TMEM128: variants seen among roughly 807,000 people sequenced by gnomAD.
TMEM128 encodes the protein transmembrane protein 128.
TMEM128 carries 16 observed loss-of-function variants against 19.7 expected under a neutral mutation model. That is an observed-to-expected ratio of 0.81 (90% CI 0.55 to 1.23). TMEM128 has a LOEUF of 1.23. Among genes scored for constraint, TMEM128 ranks in the 50% most tolerant of loss-of-function variants. The probability of loss-of-function intolerance (pLI) is 0.00; values close to 1 mark genes in which losing one functional copy is unlikely to be tolerated. For missense variants in TMEM128, 237 were observed against 200.8 expected, an observed-to-expected ratio of 1.18 and a Z score of -1.09; for synonymous variants, 98 against 75.8, an observed-to-expected ratio of 1.29 and a Z score of -1.52.
rs757010540 is a variant in TMEM128 at position 4,240,480 on chromosome 4, C to T, written c.240-1G>A. ...CAAGGCACTGCCACAGAGAAACCAG[C>T]TGTGGAGATAAAAACAGTAAGAGGT... On this transcript the variant is annotated splice_acceptor_variant, in intron 2 of 4. Transcript: ENST00000382753. LOFTEE classifies it high-confidence loss of function. The T allele has an allele frequency of 1.2e-6, 2 of 1,611,632 alleles. No individual in the cohort carries two copies. The highest frequency in any genetic ancestry group is 1.7e-4 in the Middle Eastern group (1 of 6,052).
At chr4:4,240,652 G>T (rs1431262300) in intron 2 of TMEM128, among the ~76,000 whole-genome samples, 173 bp from the exon 3 acceptor site, 2 of 152,186 alleles carry the variant, frequency 1.3e-5, no homozygotes, top group East Asian at 3.8e-4. Flanking sequence ...GGAGATGGGG[G>T]TGAGAAAAAG....
rs1718043357 is a variant in TMEM128, at chr4:4,243,453, T to C, written c.239+2749A>G. Among the ~76,000 whole-genome samples, 3 of 152,268 alleles carry C rather than the reference T, an allele frequency of 2.0e-5. No individual in the cohort carries two copies. The South Asian group carries it at 6.2e-4, about 32-fold the overall frequency. Reference sequence around the variant, plus strand: ...AAAGAACCTTAAGGCCTCAAGCTTCTAAACTTAGGCTAGAGCCAGAGGAAA... The same window carrying C: ...AAAGAACCTTAAGGCCTCAAGCTTCCAAACTTAGGCTAGAGCCAGAGGAAA... On this transcript the variant is annotated intron_variant, in intron 2 of 4. Transcript: ENST00000382753.
chr4:4,240,434 A>C lies in TMEM128; in HGVS notation c.285T>G (p.Ile95Met). Residue 95 changes from isoleucine to methionine, a missense_variant, in exon 3 of 5, where the codon ATT becomes ATG. By Grantham distance (10) the Ile-to-Met change is conservative (BLOSUM62 1). Coordinates refer to ENST00000382753, the MANE Select transcript of TMEM128 (RefSeq NM_001297551.2). ...GSALLLVSLS[I>M]AFYCIVYLEW... ...CCAGGTAGACTATGCAGTAAAATGC[A>C]ATTGATAAACTGACAAGCAACAAGG... is the stretch of plus-strand genomic sequence containing the variant. 6.2e-7 allele frequency: 1 copy of C among 1,613,962 alleles called. No individual in the cohort carries two copies. The highest frequency in any genetic ancestry group is 8.5e-7 in the Non-Finnish European group (1 of 1,179,856).
intron 2 of TMEM128, 101 bp downstream of exon 2, chr4:4,246,101 A>C: frequency 8.1e-7 from 1 of 1,231,882 alleles, no homozygotes; most frequent in Non-Finnish European, 1.1e-6. Context: ...AGGGCCTGGC[A>C]GAGAGTAGTA....
In TMEM128 at chr4:4,235,629, A is replaced by G. The variant is rs781214588; in HGVS notation, c.*637T>C. On this transcript the variant is annotated 3_prime_UTR_variant, in exon 5 of 5. Transcript: ENST00000382753. ...AACTTCACATTAGGAAATGCTAAAA[A>G]CCCAGTAATGTACATAATGATAAAA... 6.5e-5 allele frequency: 10 copies of G among 152,760 alleles called. No homozygotes were observed. The highest frequency in any genetic ancestry group is 2.0e-4 in the Admixed American group (3 of 15,298). The allele number at this position is 152,760 out of a possible 1,614,324, so 9.5% of individuals were successfully genotyped here.
intron 1 of TMEM128, 40 bp from the exon 2 acceptor site, chr4:4,246,383 AT>A (rs1282131722): frequency 6.4e-7 from 1 of 1,569,796 alleles, no homozygotes; most frequent in African/African-American, 1.4e-5. Flanking sequence ...AGTTACCACA[AT>A]TTTGCGAGGA....
In TMEM128 at chr4:4,244,428, C is replaced by T. The variant is rs566070106; in HGVS notation, c.239+1774G>A. On this transcript the variant is annotated intron_variant, in intron 2 of 4. Transcript: ENST00000382753. ...GGAAGTCAAGGCAGCAAGCCATGAT[C>T]GCACCACTACACTCCAGCCTGGGTG... Among the ~76,000 whole-genome samples the T allele has an allele frequency of 6.7e-4, 102 of 152,214 alleles. No homozygotes were observed. The Middle Eastern group carries it at 0.017, about 25-fold the overall frequency.
At chr4:4,243,692 C>T (rs1718053587) in intron 2 of TMEM128, among the ~76,000 whole-genome samples, 1 of 152,176 alleles carries the variant, frequency 6.6e-6, no homozygotes, top group African/African-American at 2.4e-5. Flanking sequence ...AAGATGACAC[C>T]TTGTTGAGGA....
At position 4,247,895 on chromosome 4, in the gene TMEM128, G is replaced by C. The variant is rs546276999; in HGVS notation, c.97+211C>G. 22 of 1,430,448 alleles carry C rather than the reference G, an allele frequency of 1.5e-5. No homozygotes were observed. In the African/African-American group the frequency reaches 2.9e-4, roughly 19 times the overall value. 88.6% of individuals were successfully genotyped at this position (1,430,448 alleles called of 1,614,324 possible). A position where few individuals can be genotyped will look rare whatever the true frequency, so the allele number is the denominator to read the frequency against. ...TAATTTTAATCGCTATTTCCAAATA[G>C]GTGTCAAATCAGCTCTCCAGAGAAT... is the stretch of plus-strand genomic sequence containing the variant. On this transcript the variant is annotated intron_variant, in intron 1 of 4. Coordinates refer to ENST00000382753, the MANE Select transcript of TMEM128 (RefSeq NM_001297551.2).
At chr4:4,244,027 C>T (rs939865239) in intron 2 of TMEM128, among the ~76,000 whole-genome samples, 4 of 152,264 alleles carry the variant, frequency 2.6e-5, no homozygotes, top group African/African-American at 9.6e-5. Context: ...ACATACCATG[C>T]GGCCTGGTAA....
intron 3 of TMEM128, among the ~76,000 whole-genome samples, chr4:4,238,612 C>T (rs1266610154): frequency 1.3e-5 from 2 of 152,114 alleles, no homozygotes; most frequent in Non-Finnish European, 2.9e-5. Context: ...AGTAAAACAA[C>T]GTATCTGCAT....
chr4:4,241,261 A>T (rs1717948316), intron 2 of TMEM128, among the ~76,000 whole-genome samples: 1 of 152,192 alleles, frequency 6.6e-6, no homozygotes, highest in Non-Finnish European at 1.5e-5. Flanking sequence ...AATAATTCAA[A>T]TTTTCTCTCA....
chr4:4,248,124 C>T lies in TMEM128; in HGVS notation c.79G>A (p.Glu27Lys), dbSNP rs1173161098. The change falls in exon 1 of 5, where the codon GAG becomes AAG. Residue 27 changes from glutamate (E) to lysine (K), a missense_variant. By Grantham distance (56) the Glu-to-Lys change is moderately conservative (BLOSUM62 1). Coordinates refer to ENST00000382753, the MANE Select transcript of TMEM128 (RefSeq NM_001297551.2). Reference sequence around the variant, plus strand: ...GCCTCACCCGGCCCGGCGTCACCCTCGCGGTCCAGCTGGGCCTCGGCGTCC... The same window carrying T: ...GCCTCACCCGGCCCGGCGTCACCCTTGCGGTCCAGCTGGGCCTCGGCGTCC... ...LPDAEAQLDR[E>K]GDAGPETSTA... 4 of 1,536,308 alleles carry T rather than the reference C, an allele frequency of 2.6e-6. No individual in the cohort carries two copies. Among genetic ancestry groups the T allele is most frequent in the African/African-American group, 2.8e-5 (2 of 72,204 alleles).
chr4:4,243,191 T>C (rs920769260), intron 2 of TMEM128, among the ~76,000 whole-genome samples: 10 of 152,164 alleles, frequency 6.6e-5, no homozygotes, highest in African/African-American at 2.2e-4. Flanking sequence ...GCCATTCTTC[T>C]GCCTCAGCCT....
chr4:4,241,436 G>A (rs1208155346), intron 2 of TMEM128, among the ~76,000 whole-genome samples: 1 of 152,126 alleles, frequency 6.6e-6, no homozygotes, highest in Non-Finnish European at 1.5e-5. Context: ...AGCTGGACTT[G>A]GGGACTGAAA....
chr4:4,248,144 G>A lies in TMEM128; in HGVS notation c.59C>T (p.Ala20Val), dbSNP rs529756775. 3 of 1,534,098 alleles carry A rather than the reference G, an allele frequency of 2.0e-6. No homozygotes were observed. The highest frequency in any genetic ancestry group is 2.6e-6 in the Non-Finnish European group (3 of 1,142,280). Residue 20 changes from alanine to valine, a missense_variant, in exon 1 of 5, where the codon GCC becomes GTC. Coordinates refer to ENST00000382753, the MANE Select transcript of TMEM128 (RefSeq NM_001297551.2). ...LRRRFLLLPD[A>V]EAQLDREGDA... ...ACCCTCGCGGTCCAGCTGGGCCTCG[G>A]CGTCCGGCAGGAGGAGGAATCGCCG...
rs758821494 is a variant in TMEM128 at position 4,237,818 on chromosome 4, A to G, written c.*9+9T>C. The stretch of plus-strand genomic sequence containing the variant: ...TTCATTTTTAGAAAAACCACTCCAG[A>G]TATCTTACCTTCGGAAATCATCCAA... On this transcript the variant is annotated intron_variant, in intron 4 of 4. Coordinates refer to ENST00000382753, the MANE Select transcript of TMEM128 (RefSeq NM_001297551.2). 1.4e-5 allele frequency: 22 copies of G among 1,595,128 alleles called. No individual in the cohort carries two copies. In the Middle Eastern group the frequency reaches 5.0e-4, roughly 36 times the overall value.
intron 2 of TMEM128, among the ~76,000 whole-genome samples, chr4:4,240,681 A>G (rs1259949424): frequency 3.3e-5 from 5 of 152,262 alleles, no homozygotes; most frequent in Non-Finnish European, 5.9e-5. Flanking sequence ...AACTCAGGAA[A>G]GAATGAAAAG....
At chr4:4,238,937 T>G (rs1254617013) in intron 3 of TMEM128, among the ~76,000 whole-genome samples, 1 of 151,910 alleles carries the variant, frequency 6.6e-6, no homozygotes, top group African/African-American at 2.4e-5. Context: ...GGAGGCTGAG[T>G]GAGGCAGGAG....
Sources: gnomAD v4.1 joint callset for allele counts (sites outside exome capture counted in the v4.1 genomes callset) on GRCh38, gnomAD v4.1.1 for gene constraint, MANE v1.5 for transcripts, NCBI Gene and HGNC (gene_info 2026-07-23, HGNC 2026-07-21) for gene names.